The following DEPDC5 variants were observed in gnomAD, a reference collection of about 807,000 sequenced individuals.
DEPDC5 encodes DEP domain containing 5, GATOR1 subcomplex subunit.
Under a neutral mutation model 217.3 loss-of-function variants are expected in DEPDC5, and 73 were observed. The observed-to-expected ratio is 0.34, with a 90% CI of 0.28 to 0.41. The LOEUF is 0.41. Among genes scored for constraint, DEPDC5 ranks in the 10% least tolerant of loss-of-function variants. DEPDC5 has a pLI of 1.00. For synonymous variants in DEPDC5, 733 were observed against 756.7 expected (o/e 0.97, Z 0.51); for missense variants, 1,675 against 2,070.1 (o/e 0.81, Z 3.70).
intron 3 of DEPDC5, 73 bp downstream of exon 3, chr22:31,758,706 CTT>C: frequency 1.2e-5 from 17 of 1,397,164 alleles, no homozygotes; most frequent in Non-Finnish European, 1.7e-5. Context: ...AGATAGCTCT[CTT>C]TGCCTTTCAA....
chr22:31,853,793 G>A (rs190360085), intron 31 of DEPDC5, among the ~76,000 whole-genome samples: 30 of 152,266 alleles, frequency 2.0e-4, no homozygotes, highest in Non-Finnish European at 3.1e-4. Context: ...CCTATTAGAT[G>A]AGGATGACAG....
At chr22:31,897,704 C>G in intron 40 of DEPDC5, 51 bp downstream of exon 40, 1 of 1,591,054 alleles carries the variant, frequency 6.3e-7, no homozygotes, top group Non-Finnish European at 8.6e-7. Context: ...GACCCCGTCC[C>G]TAACAAGGAC....
chr22:31,839,668 T>C (rs1411267114), intron 27 of DEPDC5, among the ~76,000 whole-genome samples: 1 of 148,992 alleles, frequency 6.7e-6, no homozygotes, highest in Admixed American at 6.7e-5. Context: ...AGCTTTGGAC[T>C]CCCCCTGGAT....
intron 7 of DEPDC5, among the ~76,000 whole-genome samples, chr22:31,772,000 AAGGCTGT>A (rs1386923334): frequency 6.6e-6 from 1 of 151,962 alleles, no homozygotes; most frequent in Non-Finnish European, 1.5e-5. Flanking sequence ...AGGGAGGTTC[AAGGCTGT>A]AGTGAGCCTT....
chr22:31,814,788 T>C (rs2088871028), intron 20 of DEPDC5: 1 of 594,096 alleles, frequency 1.7e-6, no homozygotes, highest in African/African-American at 1.9e-5. Context: ...GGCTGCATAA[T>C]GTCTGTCATT....
intron 38 of DEPDC5, among the ~76,000 whole-genome samples, chr22:31,885,379 C>A (rs1043670759): frequency 6.6e-6 from 1 of 152,190 alleles, no homozygotes; most frequent in Non-Finnish European, 1.5e-5. Flanking sequence ...GCACTGTTCC[C>A]CAAAGATACC....
At chr22:31,818,600 A>G (rs1232139525) in intron 21 of DEPDC5, among the ~76,000 whole-genome samples, 5 of 152,208 alleles carry the variant, frequency 3.3e-5, no homozygotes, top group African/African-American at 1.2e-4. Flanking sequence ...TAGTGAAGAC[A>G]TTGACTAGCT....
chr22:31,758,487 G>A (rs778609020), intron 2 of DEPDC5, 59 bp from the exon 3 acceptor site: 8 of 1,483,858 alleles, frequency 5.4e-6, no homozygotes, highest in Admixed American at 1.7e-5. Context: ...ACCAGTATGA[G>A]AACATACAGT....
Position 31,804,880 on chromosome 22 carries a change from C to T in DEPDC5, c.1182C>T (p.Gly394=), listed in dbSNP as rs1289456216. The part of the protein sequence containing the change: ...NRSAPRDSRL[G]DDYNIPHWIN... ...GTGCTCCCCGTGATTCTCGTCTGGG[C>T]GATGACTATAATATCCCTCACTGGA... Residue 394 remains glycine, a synonymous_variant, in exon 17 of 43, where the codon GGC becomes GGT. Transcript: ENST00000651528. 9.3e-6 allele frequency: 15 copies of T among 1,613,786 alleles called. No individual in the cohort carries two copies. Among genetic ancestry groups the T allele is most frequent in the Admixed American group, 5.0e-5 (3 of 59,980 alleles).
chr22:31,845,266 G>T, intron 30 of DEPDC5, 29 bp downstream of exon 30: 1 of 1,597,822 alleles, frequency 6.3e-7, no homozygotes, highest in Non-Finnish European at 8.5e-7. Context: ...CAGGGAGTGC[G>T]CCTGGTGTGA....
chr22:31,769,932 A>AC (rs2083184325), intron 7 of DEPDC5, among the ~76,000 whole-genome samples: 1 of 151,616 alleles, frequency 6.6e-6, no homozygotes. Flanking sequence ...CAAAAAAAAA[A>AC]TTCAGAAAGT....
chr22:31,900,307 A>G (rs2093626424), intron 40 of DEPDC5, among the ~76,000 whole-genome samples: 1 of 151,382 alleles, frequency 6.6e-6, no homozygotes, highest in Non-Finnish European at 1.5e-5. Flanking sequence ...TCAGCCTCCC[A>G]AAGTGCTGGG....
chr22:31,838,896 G>A, intron 27 of DEPDC5, 51 bp downstream of exon 27: 1 of 1,542,832 alleles, frequency 6.5e-7, no homozygotes, highest in East Asian at 2.3e-5. Flanking sequence ...CTGTGTATGT[G>A]GAAGTGGGTT....
chr22:31,898,402 T>C (rs564811992), intron 40 of DEPDC5, among the ~76,000 whole-genome samples: 16 of 152,306 alleles, frequency 1.1e-4, no homozygotes, highest in African/African-American at 3.6e-4. Context: ...GATGCACATA[T>C]AAATAGCTCC....
intron 20 of DEPDC5, among the ~76,000 whole-genome samples, chr22:31,810,933 G>T (rs893107155): frequency 7.9e-5 from 12 of 151,786 alleles, no homozygotes; most frequent in Non-Finnish European, 1.3e-4. Flanking sequence ...GCGCCATCAC[G>T]CCTGGCTAAT....
chr22:31,876,110 C>G, intron 36 of DEPDC5, 47 bp from the exon 37 acceptor site: 2 of 1,584,388 alleles, frequency 1.3e-6, no homozygotes, highest in South Asian at 1.1e-5. Flanking sequence ...GCTGCCCCTT[C>G]AAGATGCCTC....
chr22:31,854,781 A>G (rs1241785472), intron 31 of DEPDC5, among the ~76,000 whole-genome samples: 1 of 152,192 alleles, frequency 6.6e-6, no homozygotes, highest in African/African-American at 2.4e-5. Context: ...AGAACATGTT[A>G]TATAATAAAG....
intron 33 of DEPDC5, among the ~76,000 whole-genome samples, chr22:31,864,207 C>T (rs980934247): frequency 1.3e-5 from 2 of 151,010 alleles, no homozygotes; most frequent in Non-Finnish European, 2.9e-5. Flanking sequence ...CTCCCGGGTT[C>T]AAGTGATTGT....
chr22:31,804,927 C>G lies in DEPDC5; in HGVS notation c.1217+12C>G. 1.2e-6 allele frequency: 2 copies of G among 1,611,104 alleles called. No homozygotes were observed. Among genetic ancestry groups the G allele is most frequent in the Non-Finnish European group, 1.7e-6 (2 of 1,178,130 alleles). On this transcript the variant is annotated intron_variant, in intron 17 of 42. Coordinates refer to ENST00000651528, the MANE Select transcript of DEPDC5 (RefSeq NM_001242896.3). ...TGGATAAACCACAGGTGGGTGCGAT[C>G]TCGATCAATAGTAGGTGATAAGCGT...
Sources: allele counts gnomAD v4.1 joint callset (sites outside exome capture counted in the v4.1 genomes callset), GRCh38; gene constraint gnomAD v4.1.1; transcripts MANE v1.5; gene names NCBI Gene and HGNC (gene_info 2026-07-23, HGNC 2026-07-21).